HPR: variants seen among roughly 807,000 people sequenced by gnomAD.
The protein encoded by HPR is haptoglobin-related protein.
HPR carries 17 observed loss-of-function variants against 18.5 expected under a neutral mutation model. The observed-to-expected ratio is 0.92, with a 90% CI of 0.63 to 1.38. The LOEUF (loss-of-function observed/expected upper bound fraction) is 1.38, where lower values mean the gene tolerates loss of function less well. Among genes scored for constraint, HPR ranks in the 40% most tolerant of loss-of-function variants. The pLI is 0.00. For synonymous variants in HPR, 176 were observed against 165.0 expected (o/e 1.07, Z -0.51); for missense variants, 457 against 432.4 (o/e 1.06, Z -0.51).
At position 72,074,290 on chromosome 16, in the gene HPR, G is replaced by C. The variant is rs374484725; in HGVS notation, c.98G>C (p.Arg33Pro). 1 of 1,613,524 alleles carries C rather than the reference G, an allele frequency of 6.2e-7. No homozygotes were observed. Among genetic ancestry groups the C allele is most frequent in the South Asian group, 1.1e-5 (1 of 91,066 alleles). The change falls in exon 3 of 5, where the codon CGC (arginine) becomes CCC (proline). Residue 33 changes from arginine to proline, a missense_variant. Transcript: ENST00000540303. ...GNDVTDISDD[R>P]FPKPPEIANG... is the part of the protein sequence containing the mutation. ...GGCTTCTCTCTCTTTGCAGATGACCGCTTCCCGAAGCCCCCTGAGATTGCA... is the reference window on the plus strand; with the variant it reads ...GGCTTCTCTCTCTTTGCAGATGACCCCTTCCCGAAGCCCCCTGAGATTGCA...
chr16:72,066,000 G>T (rs1322416318), intron 1 of HPR, among the ~76,000 whole-genome samples: 1 of 152,108 alleles, frequency 6.6e-6, no homozygotes, highest in Non-Finnish European at 1.5e-5. Context: ...TGACTCTCAG[G>T]GGCAGTCGTC....
intron 1 of HPR, among the ~76,000 whole-genome samples, chr16:72,066,398 T>C (rs572284125): frequency 1.3e-5 from 2 of 152,258 alleles, no homozygotes; most frequent in South Asian, 4.1e-4. Flanking sequence ...TTTGGGAACA[T>C]GAACACCCTC....
rs201513890 is a variant in HPR at position 72,076,589 on chromosome 16, C to G, written c.555C>G (p.His185Gln). ...AGGTGGTTCTACACCCTAACTACCA[C>G]CAGGTAGATATTGGGCTCATCAAAC... ...IEKVVLHPNY[H>Q]QVDIGLIKLK... Residue 185 changes from histidine (H) to glutamine (Q), a missense_variant, in exon 5 of 5, where the codon CAC becomes CAG. Transcript: ENST00000540303. 1.1e-4 allele frequency: 179 copies of G among 1,614,060 alleles called. No homozygotes were observed. Among genetic ancestry groups the G allele is most frequent in the Non-Finnish European group, 1.4e-4 (171 of 1,180,044 alleles).
At position 72,075,221 on chromosome 16, in the gene HPR, T is replaced by C; in HGVS notation, c.268+2T>C. The C allele has an allele frequency of 1.4e-6, 2 of 1,445,724 alleles. No individual in the cohort carries two copies. 89.6% of individuals were successfully genotyped at this position (1,445,724 alleles called of 1,614,324 possible). A position where few individuals can be genotyped will look rare whatever the true frequency, so the allele number is the denominator to read the frequency against. ...ATAAACTTCCTGAATGTGAAGCAGGTGGGTGCTGAGCACTGAGCACTTAAG... is the reference window on the plus strand; with the variant it reads ...ATAAACTTCCTGAATGTGAAGCAGGCGGGTGCTGAGCACTGAGCACTTAAG... On this transcript the variant is annotated splice_donor_variant, in intron 4 of 4. Coordinates refer to ENST00000540303, the MANE Select transcript of HPR (RefSeq NM_020995.4). LOFTEE classifies it high-confidence loss of function.
intron 1 of HPR, among the ~76,000 whole-genome samples, chr16:72,072,652 T>A (rs561958309): frequency 8.5e-5 from 13 of 152,254 alleles, no homozygotes; most frequent in African/African-American, 3.1e-4. Flanking sequence ...AGAATAGGGT[T>A]GCTTATTCTT....
Position 72,077,014 on chromosome 16 carries a change from A to G in HPR, c.980A>G (p.Glu327Gly), listed in dbSNP as rs749639618. Reference protein sequence around the residue: ...LSFDKSCAVAEYGVYVKVTSI... With the variant: ...LSFDKSCAVAGYGVYVKVTSI... ...TTTGATAAGAGCTGTGCTGTGGCTG[A>G]GTATGGTGTGTATGTGAAGGTGACT... Residue 327 changes from glutamate (E) to glycine (G), a missense_variant, in exon 5 of 5, where the codon GAG becomes GGG. Coordinates refer to ENST00000540303, the MANE Select transcript of HPR (RefSeq NM_020995.4). The G allele has an allele frequency of 6.2e-7, 1 of 1,613,982 alleles. No homozygotes were observed. Among genetic ancestry groups the G allele is most frequent in the African/African-American group, 1.3e-5 (1 of 74,894 alleles).
At chr16:72,067,652 T>C (rs1001855631) in intron 1 of HPR, among the ~76,000 whole-genome samples, 1 of 152,140 alleles carries the variant, frequency 6.6e-6, no homozygotes, top group Non-Finnish European at 1.5e-5. Context: ...CACTGGGAAG[T>C]AGTGAGGAGG....
intron 2 of HPR, 22 bp downstream of exon 2, chr16:72,073,999 G>A (rs761859533): frequency 1.9e-6 from 3 of 1,613,752 alleles, no homozygotes; most frequent in African/African-American, 1.3e-5. Flanking sequence ...AGTTGGGTAG[G>A]AGCATGCATC....
intron 1 of HPR, among the ~76,000 whole-genome samples, chr16:72,066,698 A>G (rs968398222): frequency 2.0e-5 from 3 of 152,180 alleles, no homozygotes; most frequent in African/African-American, 7.2e-5. Flanking sequence ...TTAAAGATCC[A>G]TTTTGTCACT....
intron 1 of HPR, among the ~76,000 whole-genome samples, chr16:72,073,536 A>C (rs2144072781): frequency 6.6e-6 from 1 of 152,198 alleles, no homozygotes; most frequent in African/African-American, 2.4e-5. Context: ...CTTCTGAATT[A>C]TTGCCAATGT....
At chr16:72,063,593 G>A (rs1208735028) in intron 1 of HPR, among the ~76,000 whole-genome samples, 2 of 152,130 alleles carry the variant, frequency 1.3e-5, no homozygotes, top group Non-Finnish European at 2.9e-5. Flanking sequence ...CTTTAAAAAT[G>A]TATAATAAGA....
At chr16:72,070,455 C>G (rs2041642555) in intron 1 of HPR, among the ~76,000 whole-genome samples, 1 of 152,142 alleles carries the variant, frequency 6.6e-6, no homozygotes, top group Non-Finnish European at 1.5e-5. Context: ...TTGGGAAGGA[C>G]CCTACTTGGT....
At chr16:72,063,295 G>A in intron 1 of HPR, 35 bp downstream of exon 1, 1 of 1,567,260 alleles carries the variant, frequency 6.4e-7, no homozygotes. Context: ...CCTTTCCTCT[G>A]GTTCTTTATT....
At chr16:72,065,131 A>G (rs2041584465) in intron 1 of HPR, among the ~76,000 whole-genome samples, 1 of 152,178 alleles carries the variant, frequency 6.6e-6, no homozygotes, top group Non-Finnish European at 1.5e-5. Context: ...TGGTTACCTC[A>G]TACGGCTTAG....
chr16:72,066,234 C>T (rs1183309212), intron 1 of HPR, among the ~76,000 whole-genome samples: 1 of 152,182 alleles, frequency 6.6e-6, no homozygotes, highest in Non-Finnish European at 1.5e-5. Flanking sequence ...GAAGAAAGAA[C>T]TTAAGCCACT....
chr16:72,065,400 A>C (rs1470281215), intron 1 of HPR, among the ~76,000 whole-genome samples: 1 of 152,138 alleles, frequency 6.6e-6, no homozygotes, highest in African/African-American at 2.4e-5. Flanking sequence ...GCAGGCAACA[A>C]ATCCCTAATA....
rs780306484 is a variant in HPR, at chr16:72,077,012, T to C, written c.978T>C (p.Ala326=). 6.3e-5 allele frequency: 101 copies of C among 1,613,952 alleles called. No homozygotes were observed. In the East Asian group the frequency reaches 2.2e-3, roughly 36 times the overall value. Residue 326 remains alanine, a synonymous_variant, in exon 5 of 5, where the codon GCT becomes GCC. Transcript: ENST00000540303. The part of the protein sequence containing the change: ...ILSFDKSCAV[A]EYGVYVKVTS... ...GCTTTGATAAGAGCTGTGCTGTGGC[T>C]GAGTATGGTGTGTATGTGAAGGTGA...
At chr16:72,071,660 T>A (rs912387702) in intron 1 of HPR, among the ~76,000 whole-genome samples, 13 of 152,194 alleles carry the variant, frequency 8.5e-5, no homozygotes, top group African/African-American at 2.4e-4. Flanking sequence ...TACCCATCAG[T>A]CTGCCCTTAG....
chr16:72,064,309 T>A (rs1042521389), intron 1 of HPR, among the ~76,000 whole-genome samples: 1 of 152,204 alleles, frequency 6.6e-6, no homozygotes, highest in South Asian at 2.1e-4. Context: ...AAGTTTAGCC[T>A]GCTTAAGTTT....
Sources: allele counts gnomAD v4.1 joint callset (sites outside exome capture counted in the v4.1 genomes callset), GRCh38; gene constraint gnomAD v4.1.1; transcripts MANE v1.5; gene names NCBI Gene and HGNC (gene_info 2026-07-23, HGNC 2026-07-21).